The following JADE2 variants were observed in gnomAD, a reference collection of about 807,000 sequenced individuals.
JADE2 encodes jade family PHD finger 2.
Under a neutral mutation model 85.7 loss-of-function variants are expected in JADE2, and 13 were observed. The observed-to-expected ratio is 0.15, with a 90% CI of 0.10 to 0.24. JADE2 has a LOEUF of 0.24. Among genes scored for constraint, JADE2 ranks in the 10% least tolerant of loss-of-function variants. The pLI is 1.00. For missense variants in JADE2, 846 were observed against 1,115.9 expected (o/e 0.76, Z 3.45); for synonymous variants, 440 against 456.1 (o/e 0.96, Z 0.45).
intron 4 of JADE2, among the ~76,000 whole-genome samples, chr5:134,559,404 C>T (rs1423977329): frequency 6.6e-6 from 1 of 152,224 alleles, no homozygotes. Context: ...GTTGCTGGCA[C>T]AGGGCATTGC....
At position 134,571,001 on chromosome 5, in the gene JADE2, T is replaced by C. The variant is rs116432682; in HGVS notation, c.1435-2644T>C. 3.8e-3 allele frequency among the ~76,000 whole-genome samples: 580 copies of C among 152,358 alleles called. 3 individuals carry two copies. Among genetic ancestry groups the C allele is most frequent in the African/African-American group, 0.013 (551 of 41,590 alleles). ...AGCTGGATGGTGAGATTTATCCTCA[T>C]GGTTTTGGAGGCTGGAAGCCCAAGG... On this transcript the variant is annotated intron_variant, in intron 9 of 11. Coordinates refer to ENST00000681547, the MANE Select transcript of JADE2 (RefSeq NM_001388185.1).
intron 1 of JADE2, among the ~76,000 whole-genome samples, chr5:134,533,805 G>C (rs916562053): frequency 6.7e-6 from 1 of 148,400 alleles, no homozygotes; most frequent in Non-Finnish European, 1.5e-5. Context: ...GGCGTGCAGT[G>C]GCACGATCAT....
rs765115289 is a variant in JADE2, at chr5:134,559,885, C to G, written c.367C>G (p.Leu123Val). 1.2e-6 allele frequency: 2 copies of G among 1,613,954 alleles called. No individual in the cohort carries two copies. Among genetic ancestry groups the G allele is most frequent in the Non-Finnish European group, 1.7e-6 (2 of 1,179,962 alleles). Residue 123 changes from leucine to valine, a missense_variant, in exon 5 of 12, where the codon CTT (leucine) becomes GTT (valine). Coordinates refer to ENST00000681547, the MANE Select transcript of JADE2 (RefSeq NM_001388185.1). ...PAQASPSSTM[L>V]GEGSQPDWPG... Reference sequence around the variant, plus strand: ...CCAGGCATCCCCGAGCAGCACCATGCTTGGTGAGGGCTCCCAGCCTGATTG... The same window carrying G: ...CCAGGCATCCCCGAGCAGCACCATGGTTGGTGAGGGCTCCCAGCCTGATTG...
chr5:134,529,764 G>A (rs1352632405), intron 1 of JADE2, among the ~76,000 whole-genome samples: 2 of 152,246 alleles, frequency 1.3e-5, no homozygotes, highest in South Asian at 2.1e-4. Flanking sequence ...GTGCCAATAG[G>A]CAGCCGATAT....
chr5:134,545,766 A>AG (rs1480559485), intron 3 of JADE2, among the ~76,000 whole-genome samples: 4 of 152,230 alleles, frequency 2.6e-5, no homozygotes, highest in African/African-American at 9.6e-5. Flanking sequence ...ATGCCTTAAC[A>AG]GGGCAATTAC....
chr5:134,569,301 A>C (rs1248996901), intron 9 of JADE2, among the ~76,000 whole-genome samples: 1 of 152,224 alleles, frequency 6.6e-6, no homozygotes, highest in Non-Finnish European at 1.5e-5. Context: ...CTGGGAACCC[A>C]GCATCCTCCC....
At chr5:134,533,736 CTTTTTTTTT>C (rs70976536) in intron 1 of JADE2, 4 of 112,816 alleles carry the variant, frequency 3.5e-5, no homozygotes, top group East Asian at 3.3e-4. Flanking sequence ...CACACTCTCT[CTTTTTTTTT>C]TTTTTTTTTT....
At chr5:134,528,326 A>G (rs552484578) in intron 1 of JADE2, among the ~76,000 whole-genome samples, 2 of 151,904 alleles carry the variant, frequency 1.3e-5, no homozygotes, top group South Asian at 4.2e-4. Flanking sequence ...CTTCTCCCCT[A>G]CCCTGACTTT....
At position 134,573,256 on chromosome 5, in the gene JADE2, G is replaced by A. The variant is rs898263125; in HGVS notation, c.1435-389G>A. On this transcript the variant is annotated intron_variant, in intron 9 of 11. Coordinates refer to ENST00000681547, the MANE Select transcript of JADE2 (RefSeq NM_001388185.1). ...CCTGGTGAGACCCTGATGAGTCTGC[G>A]GGCACTGTGGTTATAAAGGACAGCA... Among the ~76,000 whole-genome samples the A allele has an allele frequency of 2.6e-5, 4 of 152,326 alleles. No individual in the cohort carries two copies. The South Asian group carries it at 8.3e-4, about 32-fold the overall frequency.
At chr5:134,571,163 G>A (rs1008465508) in intron 9 of JADE2, among the ~76,000 whole-genome samples, 11 of 152,218 alleles carry the variant, frequency 7.2e-5, no homozygotes, top group African/African-American at 2.4e-4. Flanking sequence ...GCCTCTGCCA[G>A]GTCACATGGC....
chr5:134,533,154 G>C (rs1262000973), intron 1 of JADE2, among the ~76,000 whole-genome samples: 1 of 152,042 alleles, frequency 6.6e-6, no homozygotes, highest in African/African-American at 2.4e-5. Context: ...TACTGTATAG[G>C]GTCACTGCCT....
Position 134,559,915 on chromosome 5 carries a change from G to T in JADE2, c.397G>T (p.Gly133Trp), listed in dbSNP as rs139883151. The T allele has an allele frequency of 5.0e-6, 8 of 1,613,802 alleles. No individual in the cohort carries two copies. Among genetic ancestry groups the T allele is most frequent in the Admixed American group, 1.7e-5 (1 of 59,958 alleles). ...TGAGGGCTCCCAGCCTGATTGGCCA[G>T]GGGGCAGCCGCTATGACTTGGACGA... ...LGEGSQPDWPGGSRYDLDEID... is the reference protein window; with the variant it reads ...LGEGSQPDWPWGSRYDLDEID... The change falls in exon 5 of 12, where the codon GGG becomes TGG. Residue 133 changes from glycine to tryptophan, a missense_variant. This residue lies in a region of JADE2 where 78 missense variants were observed against 64.9 expected (regional missense o/e 1.20). Coordinates refer to ENST00000681547, the MANE Select transcript of JADE2 (RefSeq NM_001388185.1).
intron 11 of JADE2, among the ~76,000 whole-genome samples, chr5:134,577,930 C>T (rs112833743): frequency 2.0e-5 from 3 of 152,216 alleles, no homozygotes; most frequent in South Asian, 2.1e-4. Flanking sequence ...TTGCTGCAAG[C>T]GCTGGGAGGC....
At chr5:134,576,054 C>T (rs901612170) in intron 10 of JADE2, among the ~76,000 whole-genome samples, 3 of 152,044 alleles carry the variant, frequency 2.0e-5, no homozygotes, top group Non-Finnish European at 4.4e-5. Context: ...TGAAAATTAG[C>T]CGGGTGTGGT....
chr5:134,526,845 C>G (rs1233767643), intron 1 of JADE2: 1 of 822,842 alleles, frequency 1.2e-6, no homozygotes, highest in Non-Finnish European at 1.5e-6. Context: ...CGCGGTAGTC[C>G]AGCTGGGGAG....
chr5:134,545,026 G>A (rs1233391168), intron 3 of JADE2, among the ~76,000 whole-genome samples: 1 of 152,220 alleles, frequency 6.6e-6, no homozygotes, highest in African/African-American at 2.4e-5. Flanking sequence ...GAACAATGAA[G>A]GCGTATGGTA....
At position 134,525,871 on chromosome 5, in the gene JADE2, C is replaced by T; in HGVS notation, c.-141C>T. 1.0e-6 allele frequency: 1 copy of T among 989,318 alleles called. No individual in the cohort carries two copies. 61.3% of individuals were successfully genotyped at this position (989,318 alleles called of 1,614,324 possible). On this transcript the variant is annotated 5_prime_UTR_variant, in exon 1 of 12. Transcript: ENST00000681547. Reference sequence around the variant, plus strand: ...GCGGGCCCGGCCGCCTCCCTCGCCGCGACCCCGGATGGATGCGCGCCCCCC... The same window carrying T: ...GCGGGCCCGGCCGCCTCCCTCGCCGTGACCCCGGATGGATGCGCGCCCCCC...
At chr5:134,549,201 G>GA (rs1347148338) in intron 3 of JADE2, among the ~76,000 whole-genome samples, 2 of 152,192 alleles carry the variant, frequency 1.3e-5, no homozygotes, top group Non-Finnish European at 2.9e-5. Context: ...TGGTGATCAG[G>GA]AAGGAATCCC....
intron 9 of JADE2, among the ~76,000 whole-genome samples, chr5:134,568,474 C>T (rs997754100): frequency 2.0e-5 from 3 of 152,112 alleles, no homozygotes; most frequent in Admixed American, 2.0e-4. Context: ...TCTGGGGTTC[C>T]GGGGAATGAG....
Sources: gnomAD v4.1 joint callset for allele counts (sites outside exome capture counted in the v4.1 genomes callset) on GRCh38, gnomAD v4.1.1 for gene constraint, gnomAD v4.1.1 regional missense constraint, MANE v1.5 for transcripts, NCBI Gene and HGNC (gene_info 2026-07-23, HGNC 2026-07-21) for gene names.